Variants in RBFOX2 observed in about 807,000 individuals in gnomAD.
RBFOX2 encodes the protein RNA binding fox-1 homolog 2.
A neutral mutation model predicts 49.1 loss-of-function variants in RBFOX2; 10 were observed. The observed-to-expected ratio is 0.20, with a 90% CI of 0.13 to 0.35. The LOEUF (loss-of-function observed/expected upper bound fraction) is 0.35. RBFOX2 is among the 10% of genes least tolerant of loss of function. The probability of loss-of-function intolerance (pLI) is 1.00; values close to 1 mark genes in which losing one functional copy is unlikely to be tolerated. For synonymous variants in RBFOX2, 183 were observed against 187.4 expected (o/e 0.98, Z 0.19); for missense variants, 323 against 486.9 (o/e 0.66, Z 3.17).
At chr22:35,994,227 T>A (rs1906177050) in intron 1 of RBFOX2, 1 of 151,796 alleles carries the variant, frequency 6.6e-6, no homozygotes, top group African/African-American at 2.4e-5. Flanking sequence ...TTTTATTGAA[T>A]CCAACACAGT....
upstream of RBFOX2, among the ~76,000 whole-genome samples, chr22:35,963,060 A>C (rs942117556): frequency 3.8e-5 from 3 of 78,144 alleles, no homozygotes; most frequent in African/African-American, 1.3e-4. Context: ...ACTCTCCAGC[A>C]AAAAAAAAAA....
chr22:35,849,748 G>A (rs191343902), intron 1 of RBFOX2, among the ~76,000 whole-genome samples: 184 of 152,272 alleles, frequency 1.2e-3, no homozygotes, highest in African/African-American at 4.3e-3. Context: ...TCCAGTCTAC[G>A]CAGATAGGTA....
At chr22:35,976,734 G>C (rs948887409) in intron 1 of RBFOX2, among the ~76,000 whole-genome samples, 17 of 152,238 alleles carry the variant, frequency 1.1e-4, no homozygotes, top group African/African-American at 3.4e-4. Context: ...AGGCCAAGGC[G>C]GGTGGAACAC....
intron 9 of RBFOX2, chr22:35,750,524 A>G (rs1934502907): frequency 8.0e-7 from 1 of 1,257,062 alleles, no homozygotes; most frequent in African/African-American, 1.5e-5. Flanking sequence ...CTAATGTAGG[A>G]GGGCACACAC....
chr22:35,903,688 G>A (rs755018798), intron 1 of RBFOX2, among the ~76,000 whole-genome samples: 19 of 152,028 alleles, frequency 1.2e-4, no homozygotes, highest in Non-Finnish European at 2.2e-4. Context: ...AATTATGAAA[G>A]CCAGAAACCC....
At position 35,768,171 on chromosome 22, in the gene RBFOX2, G is replaced by A; in HGVS notation, c.546+86C>T. Reference sequence around the variant, plus strand: ...CATGTGCACACGCACACATAAGACAGGGTTCCAAATGTGAACTAAGTGAGG... The same window carrying A: ...CATGTGCACACGCACACATAAGACAAGGTTCCAAATGTGAACTAAGTGAGG... On this transcript the variant is annotated intron_variant, in intron 5 of 11. Coordinates refer to ENST00000405409, the Ensembl canonical transcript of RBFOX2. The A allele has an allele frequency of 3.5e-6, 5 of 1,409,484 alleles. No homozygotes were observed. The South Asian group carries it at 6.0e-5, about 17-fold the overall frequency. The allele number at this position is 1,409,484 out of a possible 1,614,324, so 87.3% of individuals were successfully genotyped here.
chr22:35,983,448 AT>A (rs1048413016), intron 1 of RBFOX2, among the ~76,000 whole-genome samples: 7 of 151,806 alleles, frequency 4.6e-5, no homozygotes, highest in South Asian at 2.1e-4. Flanking sequence ...TTTTACCTGG[AT>A]TTTTTTTTCT....
chr22:35,809,695 A>G, intron 2 of RBFOX2, 85 bp downstream of exon 3: 9 of 1,410,102 alleles, frequency 6.4e-6, no homozygotes, highest in Non-Finnish European at 9.0e-6. Context: ...ATTAATTCCG[A>G]GAGTCTTCTA....
chr22:35,977,905 G>A (rs2057275926), intron 1 of RBFOX2, among the ~76,000 whole-genome samples: 1 of 151,484 alleles, frequency 6.6e-6, no homozygotes, highest in Non-Finnish European at 1.5e-5. Flanking sequence ...AATCAAGGAT[G>A]CACAGGACAG....
At chr22:35,787,085 G>T (rs1367353921) in intron 2 of RBFOX2, among the ~76,000 whole-genome samples, 1 of 152,082 alleles carries the variant, frequency 6.6e-6, no homozygotes, top group Non-Finnish European at 1.5e-5. Context: ...TGTCGCCCAG[G>T]CTGGAGTGCA....
At chr22:35,793,110 G>A (rs991179250) in intron 2 of RBFOX2, among the ~76,000 whole-genome samples, 25 of 152,160 alleles carry the variant, frequency 1.6e-4, no homozygotes, top group Non-Finnish European at 3.1e-4. Flanking sequence ...AATGGCTCAC[G>A]CCTGTAATCC....
chr22:35,924,719 C>A (rs1192709666), intron 1 of RBFOX2, among the ~76,000 whole-genome samples: 2 of 152,182 alleles, frequency 1.3e-5, no homozygotes, highest in Non-Finnish European at 2.9e-5. Context: ...TTTAATTTAT[C>A]CCGTTACCAC....
At chr22:36,012,662 C>T (rs1054367548) in intron 1 of RBFOX2, among the ~76,000 whole-genome samples, 2 of 152,132 alleles carry the variant, frequency 1.3e-5, no homozygotes. Context: ...TGCTTCAAAT[C>T]TGGAGGGTGA....
chr22:35,810,823 A>G (rs2010142), intron 1 of RBFOX2, among the ~76,000 whole-genome samples: 6,143 of 152,294 alleles, frequency 0.04, 163 homozygotes, highest in South Asian at 0.074. Context: ...GATAGTCAAC[A>G]CATATATCCA....
At chr22:35,902,765 C>G (rs2048727991) in intron 1 of RBFOX2, among the ~76,000 whole-genome samples, 1 of 151,584 alleles carries the variant, frequency 6.6e-6, no homozygotes, top group East Asian at 1.9e-4. Flanking sequence ...CCACCTCAGC[C>G]TCCCAAGTGG....
At chr22:35,746,612 A>G (rs1053688105) in intron 9 of RBFOX2, 51 bp from the exon 12 acceptor site, 5 of 1,187,828 alleles carry the variant, frequency 4.2e-6, no homozygotes, top group Non-Finnish European at 5.8e-6. Flanking sequence ...CCCCAGGTGT[A>G]CAGAAAAACA....
At chr22:35,744,534 G>C (rs549355671) in intron 11 of RBFOX2, among the ~76,000 whole-genome samples, 1 of 152,300 alleles carries the variant, frequency 6.6e-6, no homozygotes, top group East Asian at 1.9e-4. Context: ...ACAATACACA[G>C]TTGAAAACAA....
Position 36,028,444 on chromosome 22 carries a change from C to A in RBFOX2, c.-19G>T, listed in dbSNP as rs2059536061. On this transcript the variant is annotated 5_prime_UTR_variant, in exon 1 of 14. Coordinates refer to the RBFOX2 transcript ENST00000438146. ...CCGCCATCCGCCCGCGCCCCCCTCG[C>A]CTCCGGGAGCCGGGCGACCCGCGAC... 2.5e-6 allele frequency: 3 copies of A among 1,188,590 alleles called. No homozygotes were observed. In the South Asian group the frequency reaches 1.2e-4, roughly 49 times the overall value. The allele number at this position is 1,188,590 out of a possible 1,614,324, so 73.6% of individuals were successfully genotyped here.
intron 1 of RBFOX2, among the ~76,000 whole-genome samples, chr22:35,898,963 C>T (rs1284567829): frequency 6.6e-6 from 1 of 151,782 alleles, no homozygotes; most frequent in Admixed American, 6.6e-5. Context: ...ACTAAAAATA[C>T]AAAAATTAGC....
Sources: allele counts gnomAD v4.1 joint callset (sites outside exome capture counted in the v4.1 genomes callset), GRCh38; gene constraint gnomAD v4.1.1; transcripts MANE v1.5; gene names NCBI Gene and HGNC (gene_info 2026-07-23, HGNC 2026-07-21).